Variants in SH3PXD2A observed in about 807,000 individuals in gnomAD.
SH3PXD2A encodes the protein SH3 and PX domains 2A.
Under a neutral mutation model 115.2 loss-of-function variants are expected in SH3PXD2A, and 32 were observed. The ratio of observed to expected loss-of-function variants is 0.28; its 90% CI spans 0.21 to 0.37. The LOEUF (loss-of-function observed/expected upper bound fraction) is 0.37, where lower values mean the gene tolerates loss of function less well. Ranked by LOEUF, SH3PXD2A falls within the 10% of genes least tolerant of loss-of-function variation. SH3PXD2A has a pLI of 1.00. For synonymous variants in SH3PXD2A, 610 were observed against 629.1 expected (o/e 0.97, Z 0.45); for missense variants, 1,328 against 1,498.7 (o/e 0.89, Z 1.88).
At chr10:103,611,208 C>G (rs986965562) in intron 13 of SH3PXD2A, among the ~76,000 whole-genome samples, 6 of 152,244 alleles carry the variant, frequency 3.9e-5, no homozygotes, top group African/African-American at 9.6e-5. Flanking sequence ...GCATTCCTGA[C>G]CAGGGAAAGC....
chr10:103,851,147 A>AG (rs772399623), intron 1 of SH3PXD2A, among the ~76,000 whole-genome samples: 4 of 15,480 alleles, frequency 2.6e-4, no homozygotes, highest in African/African-American at 1.1e-3. Flanking sequence ...CTAAGGGCTG[A>AG]GAAAAAAAAA....
At chr10:103,683,897 T>G (rs1037679568) in intron 6 of SH3PXD2A, among the ~76,000 whole-genome samples, 1 of 152,160 alleles carries the variant, frequency 6.6e-6, no homozygotes, top group Non-Finnish European at 1.5e-5. Flanking sequence ...AATGAATCCC[T>G]GAAAAGGTCC....
intron 6 of SH3PXD2A, chr10:103,678,110 G>A: frequency 7.8e-7 from 1 of 1,288,610 alleles, no homozygotes; most frequent in Admixed American, 2.3e-5. Flanking sequence ...TGGCAGGATG[G>A]ACGCTACAGG....
chr10:103,624,322 C>G (rs1005100227), intron 9 of SH3PXD2A, among the ~76,000 whole-genome samples: 4 of 152,206 alleles, frequency 2.6e-5, no homozygotes, highest in African/African-American at 9.7e-5. Flanking sequence ...TGCGCCCACT[C>G]TGGAGGAAGC....
At chr10:103,768,137 C>G (rs1038261543) in intron 2 of SH3PXD2A, among the ~76,000 whole-genome samples, 1 of 152,158 alleles carries the variant, frequency 6.6e-6, no homozygotes, top group Non-Finnish European at 1.5e-5. Context: ...AAGGAAAGGG[C>G]AGTAAAGAAA....
chr10:103,630,693 C>G (rs79557433), intron 8 of SH3PXD2A, among the ~76,000 whole-genome samples: 1 of 144,066 alleles, frequency 6.9e-6, no homozygotes, highest in Non-Finnish European at 1.5e-5. Flanking sequence ...AGGTGGGTCA[C>G]TTGAGGCCAG....
chr10:103,751,029 C>G (rs1038401421), intron 3 of SH3PXD2A, among the ~76,000 whole-genome samples: 2 of 152,284 alleles, frequency 1.3e-5, no homozygotes, highest in Middle Eastern at 3.4e-3. Context: ...TGTCTCAGCT[C>G]CAGGCATTTC....
rs2038215621 is a variant in SH3PXD2A at position 103,724,302 on chromosome 10, C to T, written c.366G>A (p.Glu122=). The T allele has an allele frequency of 1.3e-6, 2 of 1,581,010 alleles. No homozygotes were observed. The highest frequency in any genetic ancestry group is 2.8e-5 in the African/African-American group (2 of 72,470). ...SQCDEVFRFF[E]ARPEDVNPPK... ...GAGGGTTGACATCCTCGGGTCGAGC[C>T]TCGAAGAACCGGAAGACTTCGTCAC... The change falls in exon 5 of 15, where the codon GAG becomes GAA. Residue 122 remains glutamate (E), a synonymous_variant. Transcript: ENST00000369774.
Position 103,619,488 on chromosome 10 carries a change from G to T in SH3PXD2A, c.803-2174C>A, listed in dbSNP as rs953255904. Among the ~76,000 whole-genome samples the T allele has an allele frequency of 1.6e-4, 25 of 152,324 alleles. 1 individual carries two copies. Among genetic ancestry groups the T allele is most frequent in the Admixed American group, 3.3e-4 (5 of 15,302 alleles). On this transcript the variant is annotated intron_variant, in intron 10 of 14. Transcript: ENST00000369774. ...CATCATTAAGGTTTTCCTAGGCAAG[G>T]TTGCATTTGCAGGGAAAAATGACAG...
intron 4 of SH3PXD2A, among the ~76,000 whole-genome samples, chr10:103,734,014 T>A (rs2038353243): frequency 6.6e-6 from 1 of 152,152 alleles, no homozygotes; most frequent in African/African-American, 2.4e-5. Context: ...GCAACAGCTC[T>A]GTATGAGGAC....
At chr10:103,848,189 C>G (rs1002789115) in intron 1 of SH3PXD2A, among the ~76,000 whole-genome samples, 1 of 123,218 alleles carries the variant, frequency 8.1e-6, no homozygotes, top group Admixed American at 9.3e-5. Flanking sequence ...CAGCTGACAC[C>G]TCACTTCCTG....
Position 103,701,261 on chromosome 10 carries a change from CCATCCATCCAT to C in SH3PXD2A, c.399-8216_399-8206del, listed in dbSNP as rs202135589. ...CCATCATCCATCCATCATCCATCCA[CCATCCATCCAT>C]CATCTATCCATTCATCCATCCATCA... On this transcript the variant is annotated intron_variant, in intron 5 of 14. Coordinates refer to ENST00000369774, the MANE Select transcript of SH3PXD2A (RefSeq NM_001394015.1). Among the ~76,000 whole-genome samples, 4 of 141,762 alleles carry C rather than the reference CCATCCATCCAT, an allele frequency of 2.8e-5. No homozygotes were observed. The South Asian group carries it at 9.8e-4, about 35-fold the overall frequency. The allele number at this position is 141,762 out of a possible 152,430, so 93.0% of individuals were successfully genotyped here.
chr10:103,633,403 G>T (rs1281697970), intron 8 of SH3PXD2A, among the ~76,000 whole-genome samples: 2 of 151,208 alleles, frequency 1.3e-5, no homozygotes, highest in African/African-American at 4.9e-5. Context: ...GTGACAGAGT[G>T]AGACTCTGTC....
At chr10:103,753,513 A>G (rs1019529429) in intron 3 of SH3PXD2A, among the ~76,000 whole-genome samples, 1 of 150,596 alleles carries the variant, frequency 6.6e-6, no homozygotes, top group African/African-American at 2.4e-5. Flanking sequence ...AAAAAAAAAA[A>G]AAAAAGAATA....
At chr10:103,809,641 C>G (rs1181026032) in intron 1 of SH3PXD2A, among the ~76,000 whole-genome samples, 1 of 88,080 alleles carries the variant, frequency 1.1e-5, no homozygotes, top group Non-Finnish European at 2.4e-5. Context: ...AATCATGGGT[C>G]TCCTTTCCTC....
At chr10:103,619,842 G>T (rs901033589) in intron 10 of SH3PXD2A, among the ~76,000 whole-genome samples, 4 of 152,210 alleles carry the variant, frequency 2.6e-5, no homozygotes, top group Non-Finnish European at 5.9e-5. Flanking sequence ...TGGATGGGAG[G>T]CTCGTCCTGC....
intron 5 of SH3PXD2A, among the ~76,000 whole-genome samples, chr10:103,717,739 T>C (rs1430067284): frequency 6.6e-6 from 1 of 152,238 alleles, no homozygotes; most frequent in Non-Finnish European, 1.5e-5. Context: ...GGTCACGCAG[T>C]TGACCACGTG....
intron 1 of SH3PXD2A, among the ~76,000 whole-genome samples, chr10:103,835,461 T>C (rs1197717557): frequency 6.6e-6 from 1 of 152,232 alleles, no homozygotes; most frequent in Non-Finnish European, 1.5e-5. Context: ...CAGACAACGA[T>C]GGATCTGCAT....
intron 6 of SH3PXD2A, among the ~76,000 whole-genome samples, chr10:103,676,811 A>C (rs2037539935): frequency 6.6e-6 from 1 of 151,598 alleles, no homozygotes; most frequent in African/African-American, 2.4e-5. Flanking sequence ...GAAGAGACAA[A>C]CTCAAGTTTG....
Sources: allele counts gnomAD v4.1 joint callset (sites outside exome capture counted in the v4.1 genomes callset), GRCh38; gene constraint gnomAD v4.1.1; transcripts MANE v1.5; gene names NCBI Gene and HGNC (gene_info 2026-07-23, HGNC 2026-07-21).